Variants in ALG9 observed in about 807,000 individuals in gnomAD.
The protein encoded by ALG9 is ALG9 alpha-1,2-mannosyltransferase, also known as alpha-1,2-mannosyltransferase ALG9.
Under a neutral mutation model 81.8 loss-of-function variants are expected in ALG9, and 55 were observed. The ratio of observed to expected loss-of-function variants is 0.67; its 90% confidence interval spans 0.54 to 0.84. ALG9 has a LOEUF of 0.84. Among genes scored for constraint, ALG9 ranks in the 40% least tolerant of loss-of-function variants. ALG9 has a pLI of 0.00. For synonymous variants in ALG9, 278 were observed against 274.3 expected (o/e 1.01, Z -0.13); for missense variants, 629 against 745.0 (o/e 0.84, Z 1.81).
chr11:111,776,491 G>A, the ALG9 span, among the ~76,000 whole-genome samples: 221 of 152,306 alleles, frequency 1.5e-3, no homozygotes, highest in African/African-American at 5.0e-3. Context: ...AGGAGGCTGA[G>A]GCAGGAGAAT....
intron 1 of ALG9, chr11:111,870,712 T>C (rs1462312242): frequency 3.4e-5 from 35 of 1,034,556 alleles, no homozygotes; most frequent in Non-Finnish European, 3.6e-5. Flanking sequence ...ATAAATTAAC[T>C]CATACACTTT....
At chr11:111,849,846 T>C (rs925142308) in intron 8 of ALG9, 1 of 152,252 alleles carries the variant, frequency 6.6e-6, no homozygotes, top group Non-Finnish European at 1.5e-5. Context: ...CTATGGTGTA[T>C]ACAGCACAAT....
intron 13 of ALG9, among the ~76,000 whole-genome samples, chr11:111,818,651 T>C (rs1450785427): frequency 6.6e-6 from 1 of 152,212 alleles, no homozygotes; most frequent in Admixed American, 6.5e-5. Flanking sequence ...TAGCAACCAG[T>C]ACTTCTCAAA....
At chr11:111,836,560 C>A (rs1358317630) in intron 12 of ALG9, 1 of 419,928 alleles carries the variant, frequency 2.4e-6, no homozygotes, top group Non-Finnish European at 4.5e-6. Flanking sequence ...CATCAAAAAA[C>A]CAGAGAAGTG....
In ALG9 at chr11:111,850,162, T is replaced by C. The variant is rs117679965; in HGVS notation, c.895+3218A>G. Among the ~76,000 whole-genome samples the C allele has an allele frequency of 6.7e-3, 1,013 of 152,318 alleles. 6 individuals carry two copies. The highest frequency in any genetic ancestry group is 0.051 in the Middle Eastern group (15 of 294). ...AAAGGTATTTTATTTCTATCTATTA[T>C]AGTATTATTATTTGGTATCACGAAA... On this transcript the variant is annotated intron_variant, in intron 8 of 14. Transcript: ENST00000616540.
chr11:111,831,313 T>C (rs1954334375), intron 13 of ALG9, among the ~76,000 whole-genome samples: 1 of 152,276 alleles, frequency 6.6e-6, no homozygotes, highest in Non-Finnish European at 1.5e-5. Context: ...AGTGCTGAGA[T>C]TGCAGGTGTG....
chr11:111,804,132 C>CAAAAAAAAAAAAAAAAAAA (rs140492079), intron 14 of ALG9, among the ~76,000 whole-genome samples: 2 of 85,370 alleles, frequency 2.3e-5, no homozygotes, highest in Non-Finnish European at 4.6e-5. Context: ...GACTCCATCT[C>CAAAAAAAAAAAAAAAAAAA]AAAAAAAAAA....
At chr11:111,770,104 G>C in the ALG9 span, among the ~76,000 whole-genome samples, 1 of 152,170 alleles carries the variant, frequency 6.6e-6, no homozygotes, top group Non-Finnish European at 1.5e-5. Context: ...CAATGAAGGT[G>C]ATTAAAACAG....
intron 5 of ALG9, among the ~76,000 whole-genome samples, chr11:111,859,963 C>A (rs1959459382): frequency 1.3e-5 from 2 of 152,060 alleles, no homozygotes; most frequent in African/African-American, 4.8e-5. Context: ...CACAAATGTT[C>A]AATGGCAGAA....
downstream of ALG9, among the ~76,000 whole-genome samples, chr11:111,777,905 G>A (rs782514233): frequency 2.0e-5 from 3 of 152,198 alleles, no homozygotes; most frequent in African/African-American, 2.4e-5. Flanking sequence ...CACATTTCAC[G>A]TCATTTCTCC....
intron 14 of ALG9, among the ~76,000 whole-genome samples, chr11:111,789,457 C>T (rs1324551069): frequency 6.6e-6 from 1 of 151,812 alleles, no homozygotes; most frequent in Non-Finnish European, 1.5e-5. Flanking sequence ...CCAGGCTGGC[C>T]TTGAACTCCT....
chr11:111,769,329 AG>A, the ALG9 span: 1 of 149,578 alleles, frequency 6.7e-6, no homozygotes, highest in Non-Finnish European at 1.5e-5. Flanking sequence ...AAAAAAAAAA[AG>A]AGTCTTGGAC....
At position 111,853,418 on chromosome 11, in the gene ALG9, A is replaced by G. The variant is rs1958140287; in HGVS notation, c.857T>C (p.Leu286Ser). 6.2e-7 allele frequency: 1 copy of G among 1,613,978 alleles called. No homozygotes were observed. Among genetic ancestry groups the G allele is most frequent in the Non-Finnish European group, 8.5e-7 (1 of 1,179,950 alleles). Reference protein sequence around the residue: ...KLVIAPLNIVLYNVFTPHGPD... With the variant: ...KLVIAPLNIVSYNVFTPHGPD... The stretch of plus-strand genomic sequence containing the variant: ...TCCATGAGGAGTAAAGACATTATAC[A>G]AAACAATGTTGAGTGGTGCAATCAC... Residue 286 changes from leucine (L) to serine (S), a missense_variant, in exon 8 of 15, where the codon TTG (leucine) becomes TCG (serine). By Grantham distance (145) the Leu-to-Ser change is moderately radical (BLOSUM62 -2). Coordinates refer to ENST00000616540, the MANE Select transcript of ALG9 (RefSeq NM_024740.2).
At chr11:111,769,109 C>G in the ALG9 span, 2 of 145,056 alleles carry the variant, frequency 1.4e-5, no homozygotes, top group Admixed American at 1.4e-4. Flanking sequence ...GGTTCAAGAC[C>G]AGCCATGGGC....
intron 14 of ALG9, among the ~76,000 whole-genome samples, chr11:111,804,902 C>A (rs1189867220): frequency 6.6e-6 from 1 of 152,198 alleles, no homozygotes; most frequent in African/African-American, 2.4e-5. Context: ...AATCTGGCAG[C>A]TTTTTGCAAA....
Position 111,837,694 on chromosome 11 carries a change from C to T in ALG9, c.1325-79G>A, listed in dbSNP as rs1955548228. 41 of 1,501,228 alleles carry T rather than the reference C, an allele frequency of 2.7e-5. No individual in the cohort carries two copies. The South Asian group carries it at 3.5e-4, about 13-fold the overall frequency. The allele number at this position is 1,501,228 out of a possible 1,614,324, so 93.0% of individuals were successfully genotyped here. Reference sequence around the variant, plus strand: ...CTTTAATTATACTGCTCATTAATGTCGCACTGTAAGCCACAGGAAATTTAA... The same window carrying T: ...CTTTAATTATACTGCTCATTAATGTTGCACTGTAAGCCACAGGAAATTTAA... On this transcript the variant is annotated intron_variant, in intron 11 of 14. Transcript: ENST00000616540.
intron 5 of ALG9, among the ~76,000 whole-genome samples, chr11:111,858,414 T>C (rs1030299631): frequency 3.3e-5 from 5 of 152,346 alleles, no homozygotes; most frequent in Admixed American, 3.3e-4. Flanking sequence ...GCTGACAATT[T>C]ACTTCTGAAG....
rs538373601 is a variant in ALG9 at position 111,843,167 on chromosome 11, G to A, written c.1018+1434C>T. 1.6e-3 allele frequency among the ~76,000 whole-genome samples: 240 copies of A among 152,182 alleles called. 1 individual carries two copies. The highest frequency in any genetic ancestry group is 2.5e-3 in the Non-Finnish European group (167 of 68,000). On this transcript the variant is annotated intron_variant, in intron 9 of 14. Transcript: ENST00000616540. ...TCCTTAAGAAATAGAAGGGATAGAG[G>A]AATAAGTTAACACCTCAAGGGAGCA...
chr11:111,821,095 C>T (rs1332028675), intron 13 of ALG9, among the ~76,000 whole-genome samples: 1 of 152,096 alleles, frequency 6.6e-6, no homozygotes, highest in Admixed American at 6.5e-5. Flanking sequence ...GACCTTGTCT[C>T]TAAAAATAAA....
Sources: gnomAD v4.1 joint callset for allele counts (sites outside exome capture counted in the v4.1 genomes callset) on GRCh38, gnomAD v4.1.1 for gene constraint, MANE v1.5 for transcripts, NCBI Gene and HGNC (gene_info 2026-07-23, HGNC 2026-07-21) for gene names.